RTP2: variants seen among roughly 807,000 people sequenced by gnomAD.
RTP2 encodes the protein receptor-transporting protein 2.
RTP2 carries 12 observed loss-of-function variants against 17.9 expected under a neutral mutation model. The observed-to-expected ratio is 0.67, with a 90% CI of 0.43 to 1.09. RTP2 has a LOEUF of 1.09. Among genes scored for constraint, RTP2 ranks in the 50% least tolerant of loss-of-function variants. The pLI, the probability that RTP2 is intolerant of heterozygous loss-of-function variation, is 0.00. For missense variants in RTP2, 327 were observed against 295.7 expected (o/e 1.11, Z -0.78); for synonymous variants, 126 against 117.7 (o/e 1.07, Z -0.46).
chr3:187,698,977 A>G (rs770325369), exon 2 of RTP2: 3 of 1,596,362 alleles, frequency 1.9e-6, no homozygotes, highest in South Asian at 2.2e-5. Flanking sequence ...ACATGGGCAG[A>G]CTGCCAGGTG....
chr3:187,709,965 C>T, the RTP2 span, among the ~76,000 whole-genome samples: 1 of 152,026 alleles, frequency 6.6e-6, no homozygotes, highest in Non-Finnish European at 1.5e-5. Context: ...AAGAGGTGCT[C>T]AAATATCTGC....
chr3:187,713,244 G>A, the RTP2 span, among the ~76,000 whole-genome samples: 1 of 152,192 alleles, frequency 6.6e-6, no homozygotes, highest in African/African-American at 2.4e-5. Context: ...CTTCCTCTCT[G>A]TCTACTCCCA....
chr3:187,698,970 T>C, exon 2 of RTP2: 2 of 1,599,342 alleles, frequency 1.3e-6, no homozygotes, highest in Non-Finnish European at 1.7e-6. Flanking sequence ...GATGACCACA[T>C]GGGCAGACTG....
chr3:187,702,104 C>A lies in RTP2; in HGVS notation c.25G>T (p.Glu9Ter). ...TTCTCATAGAAGACTTTCTTCCACT[C>A]ACAAGTGGTCAAGCTGGTACACATG... is the stretch of plus-strand genomic sequence containing the variant. The change falls in exon 1 of 2, where the codon GAG becomes TAG. Residue 9 changes from glutamate to a stop codon, truncating the protein, a stop_gained. Coordinates refer to ENST00000358241, the Ensembl canonical transcript of RTP2. LOFTEE classifies it high-confidence loss of function. 7 of 1,611,744 alleles carry A rather than the reference C, an allele frequency of 4.3e-6. No individual in the cohort carries two copies. The highest frequency in any genetic ancestry group is 5.1e-6 in the Non-Finnish European group (6 of 1,178,676).
upstream of RTP2, among the ~76,000 whole-genome samples, chr3:187,703,975 A>T (rs1717925938): frequency 6.6e-6 from 1 of 152,146 alleles, no homozygotes; most frequent in African/African-American, 2.4e-5. Flanking sequence ...TTCACTTTTC[A>T]TACAATCAGT....
chr3:187,710,819 CGATG>C, the RTP2 span, among the ~76,000 whole-genome samples: 1 of 152,180 alleles, frequency 6.6e-6, no homozygotes, highest in East Asian at 1.9e-4. Context: ...AATTCTCTGG[CGATG>C]TCAAGGGTCC....
At chr3:187,698,772 C>T in exon 2 of RTP2, 5 of 1,613,956 alleles carry the variant, frequency 3.1e-6, no homozygotes, top group Non-Finnish European at 4.2e-6. Flanking sequence ...GCGGTACTGG[C>T]CACCATCCTC....
At chr3:187,701,855 G>T in intron 1 of RTP2, 110 bp downstream of exon 1, 1 of 966,946 alleles carries the variant, frequency 1.0e-6, no homozygotes, top group Non-Finnish European at 1.5e-6. Context: ...TTCCCCATCT[G>T]AGCTGACACC....
the RTP2 span, among the ~76,000 whole-genome samples, chr3:187,713,386 G>T: frequency 6.6e-6 from 1 of 152,286 alleles, no homozygotes; most frequent in East Asian, 1.9e-4. Context: ...CAGGTTCTTG[G>T]CATTTTGAAC....
At chr3:187,712,137 A>T in the RTP2 span, among the ~76,000 whole-genome samples, 1 of 152,188 alleles carries the variant, frequency 6.6e-6, no homozygotes, top group Non-Finnish European at 1.5e-5. Context: ...GCACATACAC[A>T]TACACACGAG....
chr3:187,699,032 G>A lies in RTP2; in HGVS notation c.165-21C>T, dbSNP rs376541566. 1.9e-5 allele frequency: 30 copies of A among 1,555,036 alleles called. No individual in the cohort carries two copies. In the African/African-American group the frequency reaches 3.0e-4, roughly 15 times the overall value. ...GGAACCTGCCGGGAGGAGAAGGAGG[G>A]GTGGAGAAGGTGGGCATCCCAGAGA... is the stretch of plus-strand genomic sequence containing the variant. On this transcript the variant is annotated intron_variant, in intron 1 of 1. Transcript: ENST00000358241.
chr3:187,710,189 A>C, the RTP2 span, among the ~76,000 whole-genome samples: 1 of 151,974 alleles, frequency 6.6e-6, no homozygotes, highest in Non-Finnish European at 1.5e-5. Flanking sequence ...TCCTGCCCTC[A>C]ACTCCTGATT....
At chr3:187,711,675 G>A in the RTP2 span, among the ~76,000 whole-genome samples, 1 of 152,176 alleles carries the variant, frequency 6.6e-6, no homozygotes, top group Non-Finnish European at 1.5e-5. Flanking sequence ...CAACTTCAGA[G>A]TCTAGAGCCA....
At chr3:187,702,667 G>A, upstream of RTP2, 1 of 442,724 alleles carries the variant, frequency 2.3e-6, no homozygotes, top group Non-Finnish European at 4.6e-6. Context: ...CGCTTGACCT[G>A]TGTGCTGGCC....
upstream of RTP2, among the ~76,000 whole-genome samples, chr3:187,704,593 T>C (rs139091107): frequency 8.8e-3 from 1,344 of 152,310 alleles, 15 homozygotes; most frequent in South Asian, 0.041. Flanking sequence ...TAAAATGAGC[T>C]AGTGGTTTAT....
chr3:187,714,058 T>A, the RTP2 span, among the ~76,000 whole-genome samples: 2 of 152,158 alleles, frequency 1.3e-5, no homozygotes, highest in African/African-American at 4.8e-5. Flanking sequence ...GCTAGCCAGG[T>A]GTTCTTAGGC....
chr3:187,710,612 G>A, the RTP2 span, among the ~76,000 whole-genome samples: 1 of 151,024 alleles, frequency 6.6e-6, no homozygotes, highest in African/African-American at 2.4e-5. Context: ...TAAATATATG[G>A]AGAACCATAC....
the RTP2 span, among the ~76,000 whole-genome samples, chr3:187,711,668 CTT>C: frequency 6.6e-6 from 1 of 152,152 alleles, no homozygotes; most frequent in Non-Finnish European, 1.5e-5. Context: ...ATAATTACAA[CTT>C]CAGAGTCTAG....
chr3:187,704,509 A>G (rs1265999706), upstream of RTP2, among the ~76,000 whole-genome samples: 2 of 152,180 alleles, frequency 1.3e-5, no homozygotes, highest in Non-Finnish European at 2.9e-5. Context: ...ATTGCCAGCC[A>G]TTGTTACTGA....
Sources: allele counts gnomAD v4.1 joint callset (sites outside exome capture counted in the v4.1 genomes callset), GRCh38; gene constraint gnomAD v4.1.1; transcripts MANE v1.5; gene names NCBI Gene and HGNC (gene_info 2026-07-23, HGNC 2026-07-21).